ATG7: variants seen among roughly 807,000 people sequenced by gnomAD.
ATG7 encodes the protein ubiquitin-like modifier-activating enzyme ATG7.
A neutral mutation model predicts 82.4 loss-of-function variants in ATG7; 70 were observed. The observed-to-expected ratio is 0.85, with a 90% CI of 0.70 to 1.04. ATG7 has a LOEUF of 1.04. Ranked by LOEUF, ATG7 falls within the 50% of genes least tolerant of loss-of-function variation. The pLI is 0.00. For synonymous variants in ATG7, 287 were observed against 313.0 expected (o/e 0.92, Z 0.88); for missense variants, 792 against 864.3 (o/e 0.92, Z 1.05).
intron 20 of ATG7, among the ~76,000 whole-genome samples, chr3:11,546,415 G>C (rs1185701121): frequency 1.3e-5 from 2 of 152,094 alleles, no homozygotes; most frequent in Non-Finnish European, 1.5e-5. Context: ...CAGGTGATCC[G>C]CCTGACTTGG....
At chr3:11,451,343 C>CTGGCACTA (rs969563177) in intron 20 of ATG7, among the ~76,000 whole-genome samples, 4 of 151,948 alleles carry the variant, frequency 2.6e-5, no homozygotes, top group African/African-American at 9.7e-5. Context: ...TCCTGAGTAG[C>CTGGCACTA]TGGCACTATA....
At position 11,318,265 on chromosome 3, in the gene ATG7, G is replaced by T. The variant is rs554359273; in HGVS notation, c.678+2772G>T. ...CCTGGAATTACTCAGCACACGTGAT[G>T]AACACCTCCTTATGGGCCAGAAATT... On this transcript the variant is annotated intron_variant, in intron 9 of 20. Coordinates refer to ENST00000693202, the MANE Select transcript of ATG7 (RefSeq NM_001349232.2). Among the ~76,000 whole-genome samples, 19 of 152,242 alleles carry T rather than the reference G, an allele frequency of 1.2e-4. No homozygotes were observed. The South Asian group carries it at 3.5e-3, about 28-fold the overall frequency.
chr3:11,441,383 A>T (rs2083941882), intron 20 of ATG7, among the ~76,000 whole-genome samples: 1 of 152,084 alleles, frequency 6.6e-6, no homozygotes, highest in Non-Finnish European at 1.5e-5. Context: ...CTGGGATTAC[A>T]GGTGCATGCC....
chr3:11,495,343 A>G (rs2090741052), intron 20 of ATG7, among the ~76,000 whole-genome samples: 1 of 152,174 alleles, frequency 6.6e-6, no homozygotes, highest in South Asian at 2.1e-4. Context: ...TGTACTGCTA[A>G]AGCTTTACCG....
chr3:11,323,272 G>A (rs555273301), intron 9 of ATG7, among the ~76,000 whole-genome samples: 4 of 152,260 alleles, frequency 2.6e-5, no homozygotes, highest in South Asian at 2.1e-4. Flanking sequence ...CTGGAATGCC[G>A]AATTGAAAAG....
chr3:11,383,470 A>G (rs575210054), intron 19 of ATG7, among the ~76,000 whole-genome samples: 2 of 152,034 alleles, frequency 1.3e-5, no homozygotes, highest in Non-Finnish European at 2.9e-5. Context: ...TCCCTTTTCC[A>G]TATTTCTGAC....
intron 20 of ATG7, among the ~76,000 whole-genome samples, chr3:11,473,023 T>G (rs2087724313): frequency 6.6e-6 from 1 of 152,220 alleles, no homozygotes; most frequent in African/African-American, 2.4e-5. Flanking sequence ...ATCAATGATT[T>G]CTGACATTCA....
chr3:11,356,934 T>C (rs1450058654), intron 14 of ATG7, among the ~76,000 whole-genome samples: 3 of 152,208 alleles, frequency 2.0e-5, no homozygotes, highest in Non-Finnish European at 4.4e-5. Context: ...CTGCCTCAGG[T>C]CCTTTCCTGC....
intron 12 of ATG7, among the ~76,000 whole-genome samples, chr3:11,341,217 A>G (rs1423458275): frequency 2.0e-5 from 3 of 151,636 alleles, no homozygotes; most frequent in Admixed American, 6.6e-5. Flanking sequence ...ACGCGCCACC[A>G]TGCCCTGCTA....
rs529666650 is a variant in ATG7 at position 11,507,631 on chromosome 3, TTTTTTG to T, written c.2080-47158_2080-47153del. ...GAAGGAAATGCTAAAGTTATGGGTGTTTTTTGTTTTTGTTTTTGTTTTTGTTTGTCC... is the reference window on the plus strand; with the variant it reads ...GAAGGAAATGCTAAAGTTATGGGTGTTTTTTGTTTTTGTTTTTGTTTGTCC... On this transcript the variant is annotated intron_variant, in intron 20 of 20. Coordinates refer to ENST00000693202, the MANE Select transcript of ATG7 (RefSeq NM_001349232.2). 3.5e-3 allele frequency among the ~76,000 whole-genome samples: 532 copies of T among 152,276 alleles called. 2 individuals carry two copies. The highest frequency in any genetic ancestry group is 0.011 in the African/African-American group (468 of 41,538).
downstream of ATG7, chr3:11,557,839 C>G (rs1270083092): frequency 6.6e-6 from 1 of 152,660 alleles, no homozygotes; most frequent in Non-Finnish European, 1.5e-5. Flanking sequence ...TTGGTAGAGT[C>G]TGCAGTCCAG....
intron 3 of ATG7, among the ~76,000 whole-genome samples, chr3:11,296,675 C>G (rs939457614): frequency 4.6e-5 from 7 of 152,200 alleles, no homozygotes; most frequent in African/African-American, 1.7e-4. Flanking sequence ...GTGTGCTGCT[C>G]CTGCACAGCA....
chr3:11,476,768 C>A (rs2088293307), intron 20 of ATG7, among the ~76,000 whole-genome samples: 1 of 152,144 alleles, frequency 6.6e-6, no homozygotes, highest in Non-Finnish European at 1.5e-5. Context: ...CAAACACTTA[C>A]TTAATATAAT....
intron 20 of ATG7, among the ~76,000 whole-genome samples, chr3:11,431,366 A>G (rs1576366792): frequency 6.6e-6 from 1 of 152,082 alleles, no homozygotes; most frequent in Non-Finnish European, 1.5e-5. Flanking sequence ...GTGCTGTTGC[A>G]CTCCAGCCTG....
At chr3:11,323,538 T>G (rs920357764) in intron 9 of ATG7, among the ~76,000 whole-genome samples, 8 of 152,236 alleles carry the variant, frequency 5.3e-5, no homozygotes, top group African/African-American at 1.9e-4. Context: ...CCAGTTCTTG[T>G]GATTACATTA....
At chr3:11,480,115 T>G (rs2088760198) in intron 20 of ATG7, among the ~76,000 whole-genome samples, 1 of 152,062 alleles carries the variant, frequency 6.6e-6, no homozygotes, top group Non-Finnish European at 1.5e-5. Context: ...GTATTTTTAG[T>G]AGAGACGGGG....
In ATG7 at chr3:11,371,905, C is replaced by T. The variant is rs868851165; in HGVS notation, c.1875+7171C>T. On this transcript the variant is annotated intron_variant, in intron 18 of 20. Transcript: ENST00000693202. ...AGAGCCTTTGGAAGCTAATTAGACA[C>T]GCACAGGTGTGCCTAATGAATTCCT... 2.6e-4 allele frequency among the ~76,000 whole-genome samples: 40 copies of T among 151,366 alleles called. 5 individuals are homozygous for T. Among genetic ancestry groups the T allele is most frequent in the Non-Finnish European group, 1.0e-4 (7 of 67,856 alleles).
At chr3:11,507,644 T>A (rs527946492) in intron 20 of ATG7, among the ~76,000 whole-genome samples, 1 of 152,304 alleles carries the variant, frequency 6.6e-6, no homozygotes, top group South Asian at 2.1e-4. Context: ...TTTGTTTTTG[T>A]TTTTGTTTTT....
intron 20 of ATG7, among the ~76,000 whole-genome samples, chr3:11,433,289 T>TAAAAAA (rs56859088): frequency 3.6e-5 from 3 of 83,802 alleles, no homozygotes; most frequent in Admixed American, 1.5e-4. Context: ...GTCTCTTATT[T>TAAAAAA]AAAAAAAAAA....
Sources: allele counts gnomAD v4.1 joint callset (sites outside exome capture counted in the v4.1 genomes callset), GRCh38; gene constraint gnomAD v4.1.1; transcripts MANE v1.5; gene names NCBI Gene and HGNC (gene_info 2026-07-23, HGNC 2026-07-21).